Variants in CFDP1 observed in about 807,000 individuals in gnomAD.
CFDP1 encodes the protein chromatin remodeling protein CFDP1.
A neutral mutation model predicts 40.1 loss-of-function variants in CFDP1; 31 were observed. The observed-to-expected ratio is 0.77, with a 90% CI of 0.58 to 1.04. The LOEUF is 1.04. Ranked by LOEUF, CFDP1 falls within the 50% of genes least tolerant of loss-of-function variation. CFDP1 has a pLI of 0.00. For missense variants in CFDP1, 423 were observed against 343.4 expected (o/e 1.23, Z -1.83); for synonymous variants, 167 against 120.0 (o/e 1.39, Z -2.56).
intron 5 of CFDP1, among the ~76,000 whole-genome samples, chr16:75,370,193 A>C (rs1008797843): frequency 5.9e-5 from 9 of 151,840 alleles, no homozygotes; most frequent in African/African-American, 1.7e-4. Flanking sequence ...CCCAGGTTCA[A>C]GTGATTCTCC....
intron 5 of CFDP1, among the ~76,000 whole-genome samples, chr16:75,305,792 G>C (rs933629314): frequency 3.3e-5 from 5 of 152,170 alleles, no homozygotes; most frequent in South Asian, 2.1e-4. Flanking sequence ...TACTGTAAGA[G>C]GGTTCTAAAA....
intron 5 of CFDP1, among the ~76,000 whole-genome samples, chr16:75,305,931 C>G (rs1417009308): frequency 6.6e-6 from 1 of 152,182 alleles, no homozygotes; most frequent in African/African-American, 2.4e-5. Flanking sequence ...CTATCATGGA[C>G]AGTGGGAGAA....
intron 4 of CFDP1, among the ~76,000 whole-genome samples, chr16:75,395,657 T>A (rs549568525): frequency 1.3e-5 from 2 of 151,714 alleles, no homozygotes; most frequent in South Asian, 4.2e-4. Flanking sequence ...AGACACCGTC[T>A]CAAAAAAATA....
intron 5 of CFDP1, among the ~76,000 whole-genome samples, chr16:75,391,805 C>T (rs1406206671): frequency 1.3e-5 from 2 of 151,586 alleles, no homozygotes; most frequent in Non-Finnish European, 2.9e-5. Flanking sequence ...CCCGTCTCTA[C>T]TAAAAATACA....
At chr16:75,403,865 C>T (rs1300993799) in intron 4 of CFDP1, among the ~76,000 whole-genome samples, 1 of 152,074 alleles carries the variant, frequency 6.6e-6, no homozygotes, top group African/African-American at 2.4e-5. Context: ...GGCATGGTGG[C>T]TCACACCTGT....
At chr16:75,419,895 T>C (rs529781786) in intron 1 of CFDP1, among the ~76,000 whole-genome samples, 1 of 151,990 alleles carries the variant, frequency 6.6e-6, no homozygotes, top group East Asian at 1.9e-4. Context: ...GTCTATGGAG[T>C]AGACATTCTT....
chr16:75,377,288 A>G (rs1340947711), intron 5 of CFDP1, among the ~76,000 whole-genome samples: 2 of 152,270 alleles, frequency 1.3e-5, no homozygotes, highest in Non-Finnish European at 2.9e-5. Flanking sequence ...TGTTTGATAC[A>G]TGATGAATAG....
intron 5 of CFDP1, among the ~76,000 whole-genome samples, chr16:75,370,269 T>G (rs2078742291): frequency 6.6e-6 from 1 of 151,736 alleles, no homozygotes; most frequent in Non-Finnish European, 1.5e-5. Context: ...ATTTTTGTAT[T>G]TTTAGTAGAG....
At chr16:75,381,723 C>A (rs2078853793) in intron 5 of CFDP1, among the ~76,000 whole-genome samples, 1 of 151,986 alleles carries the variant, frequency 6.6e-6, no homozygotes, top group African/African-American at 2.4e-5. Context: ...AAATACTGGA[C>A]CAGTTGTGGA....
chr16:75,367,827 G>A (rs888185962), intron 5 of CFDP1, among the ~76,000 whole-genome samples: 8 of 150,462 alleles, frequency 5.3e-5, no homozygotes, highest in East Asian at 2.0e-4. Context: ...CAGCCAGACC[G>A]GATATGGTGG....
At chr16:75,390,246 T>G (rs555826028) in intron 5 of CFDP1, among the ~76,000 whole-genome samples, 1 of 152,336 alleles carries the variant, frequency 6.6e-6, no homozygotes, top group Non-Finnish European at 1.5e-5. Flanking sequence ...AGCTGCTCTG[T>G]GAGGACAGCC....
At chr16:75,422,136 G>C (rs907541423) in intron 1 of CFDP1, among the ~76,000 whole-genome samples, 12 of 151,460 alleles carry the variant, frequency 7.9e-5, no homozygotes, top group East Asian at 5.8e-4. Context: ...CGCTCTTTTT[G>C]CCCAGGCTGG....
At chr16:75,378,083 A>G (rs182110245) in intron 5 of CFDP1, among the ~76,000 whole-genome samples, 73 of 152,316 alleles carry the variant, frequency 4.8e-4, no homozygotes, top group Non-Finnish European at 6.0e-4. Context: ...CTGAGGGAAT[A>G]CCATGTGCTT....
chr16:75,326,099 C>A (rs983557054), intron 5 of CFDP1, among the ~76,000 whole-genome samples: 1 of 152,098 alleles, frequency 6.6e-6, no homozygotes, highest in African/African-American at 2.4e-5. Context: ...TCCATGAAAA[C>A]AGAATTTTGT....
chr16:75,422,781 C>A (rs1475514972), intron 1 of CFDP1, among the ~76,000 whole-genome samples: 1 of 151,722 alleles, frequency 6.6e-6, no homozygotes, highest in Non-Finnish European at 1.5e-5. Flanking sequence ...AGGAGTTCAA[C>A]GTGTCACTGA....
chr16:75,388,001 G>A (rs1361840431), intron 5 of CFDP1, among the ~76,000 whole-genome samples: 1 of 152,226 alleles, frequency 6.6e-6, no homozygotes, highest in Non-Finnish European at 1.5e-5. Flanking sequence ...AAATTGAGGA[G>A]AGACTCTTTT....
rs183542685 is a variant in CFDP1 at position 75,403,892 on chromosome 16, G to A, written c.530+7933C>T. Among the ~76,000 whole-genome samples, 697 of 152,122 alleles carry A rather than the reference G, an allele frequency of 4.6e-3. 4 individuals carry two copies. The highest frequency in any genetic ancestry group is 6.7e-3 in the Non-Finnish European group (455 of 68,004). The stretch of plus-strand genomic sequence containing the variant: ...CACACCTGTAATCCCAGCACTTTGG[G>A]AGGCCGAAGTGGGCGTATCATTTGA... On this transcript the variant is annotated intron_variant, in intron 4 of 6. Transcript: ENST00000283882.
At chr16:75,404,123 C>A (rs925978314) in intron 4 of CFDP1, among the ~76,000 whole-genome samples, 4 of 151,450 alleles carry the variant, frequency 2.6e-5, no homozygotes, top group East Asian at 1.9e-4. Context: ...CAGAGTAAGA[C>A]CGTGTCTCAA....
At chr16:75,378,284 C>CAT (rs58213835) in intron 5 of CFDP1, among the ~76,000 whole-genome samples, 127,908 of 151,530 alleles carry the variant, frequency 0.84, 54,126 homozygotes, top group Middle Eastern at 0.91. Flanking sequence ...GAGCATCTCA[C>CAT]GTCTCTGCTT....
Sources: allele counts gnomAD v4.1 joint callset (sites outside exome capture counted in the v4.1 genomes callset), GRCh38; gene constraint gnomAD v4.1.1; transcripts MANE v1.5; gene names NCBI Gene and HGNC (gene_info 2026-07-23, HGNC 2026-07-21).